The following NRXN3 variants were observed in gnomAD, a reference collection of about 807,000 sequenced individuals.
NRXN3 encodes the protein neurexin 3, also known as neurexin III.
Under a neutral mutation model 137.6 loss-of-function variants are expected in NRXN3, and 32 were observed. That is an observed-to-expected ratio of 0.23 (90% CI 0.18 to 0.31). The LOEUF (loss-of-function observed/expected upper bound fraction) is 0.31. NRXN3 is among the 10% of genes least tolerant of loss of function. The pLI, the probability that NRXN3 is intolerant of heterozygous loss-of-function variation, is 1.00. For missense variants in NRXN3, 1,574 were observed against 2,062.5 expected (o/e 0.76, Z 4.59); for synonymous variants, 798 against 784.5 (o/e 1.02, Z -0.29).
chr14:78,328,950 G>T (rs10152049), intron 4 of NRXN3, among the ~76,000 whole-genome samples: 1 of 151,886 alleles, frequency 6.6e-6, no homozygotes, highest in Admixed American at 6.6e-5. Flanking sequence ...ACAGGATTCT[G>T]CCACATGGTC....
In NRXN3 at chr14:78,278,652, T is replaced by G. The variant is rs905697312; in HGVS notation, c.717T>G (p.Ser239Arg). Residue 239 changes from serine to arginine, a missense_variant, in exon 3 of 21, where the codon AGT becomes AGG. Physicochemically the swap from Ser to Arg is moderately radical, Grantham distance 110. Coordinates refer to ENST00000335750, the MANE Select transcript of NRXN3 (RefSeq NM_001330195.2). ...TTGAAAATGCTGCCACAGATGTCAG[T>G]CAAGATCCAGGTGAGTCTTTGTGTT... ...YGGKLCSEDV[S>R]QDPGLSHLMM... The G allele has an allele frequency of 1.3e-6, 2 of 1,535,234 alleles. No homozygotes were observed. The highest frequency in any genetic ancestry group is 1.7e-6 in the Non-Finnish European group (2 of 1,146,496).
chr14:78,852,791 A>G (rs2099046114), intron 10 of NRXN3, among the ~76,000 whole-genome samples: 1 of 152,150 alleles, frequency 6.6e-6, no homozygotes, highest in Non-Finnish European at 1.5e-5. Context: ...TAAGAATGCT[A>G]ATGCATCTAC....
intron 15 of NRXN3, among the ~76,000 whole-genome samples, chr14:79,110,287 G>C (rs1223383349): frequency 6.6e-6 from 1 of 152,336 alleles, no homozygotes; most frequent in East Asian, 1.9e-4. Context: ...AAACTACAAA[G>C]AGCATCTGCG....
intron 10 of NRXN3, among the ~76,000 whole-genome samples, chr14:78,956,560 T>C (rs1004374935): frequency 6.6e-6 from 1 of 152,198 alleles, no homozygotes; most frequent in Non-Finnish European, 1.5e-5. Context: ...GAACTTTACA[T>C]CATTTCAGTT....
intron 20 of NRXN3, among the ~76,000 whole-genome samples, chr14:79,812,439 C>T (rs2099237462): frequency 1.3e-5 from 2 of 151,930 alleles, no homozygotes; most frequent in Non-Finnish European, 2.9e-5. Context: ...GAAATGCCCA[C>T]GATATTATCA....
At chr14:79,587,940 T>C (rs1567586147) in intron 16 of NRXN3, among the ~76,000 whole-genome samples, 1 of 152,250 alleles carries the variant, frequency 6.6e-6, no homozygotes. Flanking sequence ...ACACATATTG[T>C]TAGTTGTCCC....
intron 16 of NRXN3, among the ~76,000 whole-genome samples, chr14:79,608,599 T>C (rs1170032228): frequency 6.6e-6 from 1 of 152,232 alleles, no homozygotes; most frequent in Non-Finnish European, 1.5e-5. Flanking sequence ...GTGATGCTGA[T>C]GAATTTTTGC....
At chr14:79,204,798 C>T (rs1278500195) in intron 15 of NRXN3, among the ~76,000 whole-genome samples, 2 of 152,172 alleles carry the variant, frequency 1.3e-5, no homozygotes, top group Non-Finnish European at 2.9e-5. Context: ...AAATGAAGGG[C>T]ATGCATCCAG....
intron 10 of NRXN3, among the ~76,000 whole-genome samples, chr14:78,879,962 G>A (rs1171910702): frequency 3.5e-5 from 5 of 141,508 alleles, no homozygotes; most frequent in Non-Finnish European, 7.4e-5. Flanking sequence ...GAATTGGGCC[G>A]GGCGCGGTGG....
At chr14:79,564,340 A>T (rs894990128) in intron 16 of NRXN3, among the ~76,000 whole-genome samples, 1 of 152,098 alleles carries the variant, frequency 6.6e-6, no homozygotes, top group Non-Finnish European at 1.5e-5. Context: ...CTGACAATGA[A>T]GGTCTATAAT....
chr14:78,965,030 T>G, intron 11 of NRXN3, among the ~76,000 whole-genome samples: 1 of 152,196 alleles, frequency 6.6e-6, no homozygotes, highest in Admixed American at 6.5e-5. Flanking sequence ...GATGATTCTC[T>G]TCATTTGGTA....
At chr14:79,218,550 G>A (rs754048616) in intron 15 of NRXN3, among the ~76,000 whole-genome samples, 5 of 152,052 alleles carry the variant, frequency 3.3e-5, no homozygotes, top group Non-Finnish European at 5.9e-5. Context: ...TGACAATGTC[G>A]GTTTCTGATA....
chr14:79,569,784 T>A (rs2097582713), intron 16 of NRXN3, among the ~76,000 whole-genome samples: 1 of 152,154 alleles, frequency 6.6e-6, no homozygotes, highest in South Asian at 2.1e-4. Context: ...AATTTTTGTA[T>A]TTTTTGTAGA....
At chr14:79,393,272 A>G (rs2094913176) in intron 15 of NRXN3, among the ~76,000 whole-genome samples, 1 of 152,180 alleles carries the variant, frequency 6.6e-6, no homozygotes. Context: ...AACACATTTA[A>G]AGAAGACTGT....
chr14:79,711,103 A>G (rs1283915359), intron 19 of NRXN3, among the ~76,000 whole-genome samples: 1 of 152,244 alleles, frequency 6.6e-6, no homozygotes, highest in Non-Finnish European at 1.5e-5. Context: ...TGTTTTGACT[A>G]AAAAAGACAG....
At chr14:79,290,914 G>A (rs2083078658) in intron 15 of NRXN3, among the ~76,000 whole-genome samples, 3 of 152,058 alleles carry the variant, frequency 2.0e-5, no homozygotes, top group South Asian at 2.1e-4. Flanking sequence ...GCAAAACCTC[G>A]TCAGACTCTT....
intron 15 of NRXN3, among the ~76,000 whole-genome samples, chr14:79,167,405 T>C (rs1269621913): frequency 6.6e-6 from 1 of 151,882 alleles, no homozygotes; most frequent in Admixed American, 6.6e-5. Flanking sequence ...CTATGTGTCT[T>C]CTCTCCCTAG....
At chr14:79,036,796 C>T (rs561480632) in intron 15 of NRXN3, among the ~76,000 whole-genome samples, 12 of 151,548 alleles carry the variant, frequency 7.9e-5, no homozygotes, top group African/African-American at 2.9e-4. Context: ...GGGGGAAAGG[C>T]ATGATGACTA....
Position 78,972,255 on chromosome 14 carries a change from G to A in NRXN3, c.3142+3909G>A, listed in dbSNP as rs367608115. ...TGATAAACATCTGAAAGAAATACAC[G>A]TGCTTTGTTTTGAAACTGGCACGAA... On this transcript the variant is annotated intron_variant, in intron 14 of 20. Transcript: ENST00000335750. 2.8e-4 allele frequency among the ~76,000 whole-genome samples: 43 copies of A among 152,272 alleles called. No individual in the cohort carries two copies. In the South Asian group the frequency reaches 7.0e-3, roughly 25 times the overall value.
Sources: gnomAD v4.1 joint callset for allele counts (sites outside exome capture counted in the v4.1 genomes callset) on GRCh38, gnomAD v4.1.1 for gene constraint, MANE v1.5 for transcripts, NCBI Gene and HGNC (gene_info 2026-07-23, HGNC 2026-07-21) for gene names.